Variants in AFF4 observed in about 807,000 individuals in gnomAD.
AFF4 encodes the protein AF4/FMR2 family member 4.
AFF4 carries 13 observed loss-of-function variants against 124.8 expected under a neutral mutation model. The observed-to-expected ratio is 0.10, with a 90% CI of 0.07 to 0.17. The LOEUF is 0.17. Among genes scored for constraint, AFF4 ranks in the 10% least tolerant of loss-of-function variants. AFF4 has a pLI of 1.00. For synonymous variants in AFF4, 477 were observed against 496.1 expected (o/e 0.96, Z 0.51); for missense variants, 1,092 against 1,403.8 (o/e 0.78, Z 3.55).
intron 1 of AFF4, among the ~76,000 whole-genome samples, chr5:132,956,574 G>A (rs988833546): frequency 2.0e-5 from 3 of 150,640 alleles, no homozygotes; most frequent in Non-Finnish European, 2.9e-5. Flanking sequence ...AGAGGCTGCA[G>A]TGAGCCGAGA....
intron 18 of AFF4, among the ~76,000 whole-genome samples, chr5:132,886,090 A>G (rs1006034764): frequency 1.3e-5 from 2 of 152,226 alleles, no homozygotes; most frequent in Non-Finnish European, 1.5e-5. Flanking sequence ...AAGATCATTT[A>G]AAAAGTAAAT....
At chr5:132,906,074 C>T (rs1435041918) in intron 5 of AFF4, among the ~76,000 whole-genome samples, 1 of 152,122 alleles carries the variant, frequency 6.6e-6, no homozygotes, top group East Asian at 1.9e-4. Flanking sequence ...AATGAGATAC[C>T]ACTTCTCAAC....
At chr5:132,885,470 T>C (rs1016625574) in intron 18 of AFF4, among the ~76,000 whole-genome samples, 1 of 5,054 alleles carries the variant, frequency 2.0e-4, no homozygotes, top group African/African-American at 7.2e-4. Flanking sequence ...AAAAAAGGGG[T>C]GGGTGGGTGG....
At chr5:132,885,398 T>C (rs2150064970) in intron 18 of AFF4, among the ~76,000 whole-genome samples, 1 of 142,004 alleles carries the variant, frequency 7.0e-6, no homozygotes, top group African/African-American at 2.6e-5. Flanking sequence ...TCCCAGCTAC[T>C]CCCAGCTACC....
At chr5:132,902,602 C>G (rs1478113483) in intron 6 of AFF4, 115 bp from the exon 7 acceptor site, 1 of 826,104 alleles carries the variant, frequency 1.2e-6, no homozygotes, top group African/African-American at 1.7e-5. Flanking sequence ...AATTCTTCAA[C>G]CACCAAACTG....
intron 11 of AFF4, among the ~76,000 whole-genome samples, chr5:132,895,942 C>G (rs1760379659): frequency 6.6e-6 from 1 of 152,164 alleles, no homozygotes; most frequent in South Asian, 2.1e-4. Context: ...GGGTGTACAT[C>G]AGAAGAGAAT....
intron 5 of AFF4, among the ~76,000 whole-genome samples, chr5:132,905,312 C>T (rs1274304538): frequency 1.3e-5 from 2 of 152,170 alleles, no homozygotes; most frequent in Admixed American, 6.5e-5. Context: ...ACCAGAACAG[C>T]TGTTCCATAT....
chr5:132,907,479 A>G (rs918304717), intron 5 of AFF4, among the ~76,000 whole-genome samples: 9 of 152,230 alleles, frequency 5.9e-5, no homozygotes, highest in African/African-American at 2.2e-4. Flanking sequence ...TTGAATGTCA[A>G]TAATTACTAC....
At chr5:132,939,180 G>A (rs1317460622) in intron 1 of AFF4, among the ~76,000 whole-genome samples, 1 of 143,234 alleles carries the variant, frequency 7.0e-6, no homozygotes, top group African/African-American at 2.6e-5. Context: ...TTGTGCCACT[G>A]ATCTCCAGCC....
chr5:132,887,641 G>C, intron 16 of AFF4, 49 bp from the exon 17 acceptor site: 1 of 1,558,920 alleles, frequency 6.4e-7, no homozygotes, highest in Non-Finnish European at 8.8e-7. Context: ...ACTTCACCTT[G>C]ATCTTATGAT....
chr5:132,921,462 CTTTTTTTTTTCTTT>C (rs1761044825), intron 5 of AFF4, among the ~76,000 whole-genome samples: 1 of 129,536 alleles, frequency 7.7e-6, no homozygotes, highest in East Asian at 2.4e-4. Context: ...CAGTTGTTTT[CTTTTTTTTTTCTTT>C]TTTTTTTTTT....
At chr5:132,935,465 A>C (rs1394630183) in intron 2 of AFF4, among the ~76,000 whole-genome samples, 1 of 152,148 alleles carries the variant, frequency 6.6e-6, no homozygotes, top group Non-Finnish European at 1.5e-5. Context: ...ATTTCTAGCA[A>C]AAATACAAAC....
At chr5:132,950,058 A>G (rs1433621105) in intron 1 of AFF4, among the ~76,000 whole-genome samples, 2 of 152,008 alleles carry the variant, frequency 1.3e-5, no homozygotes, top group African/African-American at 2.4e-5. Flanking sequence ...GCGGCCAGGC[A>G]TGGTGGCTCA....
chr5:132,961,399 T>C (rs1345478129), intron 1 of AFF4, among the ~76,000 whole-genome samples: 3 of 152,122 alleles, frequency 2.0e-5, no homozygotes, highest in Admixed American at 6.6e-5. Context: ...GTATTTTTAG[T>C]AGAGACGGGG....
chr5:132,885,860 G>A (rs1157378636), intron 18 of AFF4, among the ~76,000 whole-genome samples: 4 of 152,114 alleles, frequency 2.6e-5, no homozygotes, highest in African/African-American at 4.8e-5. Flanking sequence ...TGCAGCCTCC[G>A]CCTCCAGGGT....
At chr5:132,914,373 C>A (rs778169973) in intron 5 of AFF4, among the ~76,000 whole-genome samples, 2 of 151,782 alleles carry the variant, frequency 1.3e-5, no homozygotes, top group African/African-American at 2.4e-5. Context: ...GAGGCTGAGG[C>A]GGGCAGATCA....
At chr5:132,922,287 C>CA (rs1339821597) in intron 5 of AFF4, among the ~76,000 whole-genome samples, 1 of 152,154 alleles carries the variant, frequency 6.6e-6, no homozygotes, top group Non-Finnish European at 1.5e-5. Flanking sequence ...GACATAGTGG[C>CA]ATGCACCTGT....
chr5:132,893,125 GA>G lies in AFF4; in HGVS notation c.2308-8del, dbSNP rs1271155489. On this transcript the variant is annotated splice_polypyrimidine_tract_variant and splice_region_variant and intron_variant, in intron 11 of 20. Transcript: ENST00000265343. ...CTCGGTTATCATCTTCATTCTAGAT[GA>G]AAAATAGAAACCGTGGTCTGATTTT... 1 of 1,612,582 alleles carries G rather than the reference GA, an allele frequency of 6.2e-7. No individual in the cohort carries two copies. Among genetic ancestry groups the G allele is most frequent in the Admixed American group, 1.7e-5 (1 of 59,970 alleles).
chr5:132,886,145 G>A (rs533758668), intron 18 of AFF4, among the ~76,000 whole-genome samples, 165 bp downstream of exon 18: 41 of 152,268 alleles, frequency 2.7e-4, no homozygotes, highest in Admixed American at 5.9e-4. Flanking sequence ...TCAGATACAC[G>A]TAGATTAAAA....
Sources: gnomAD v4.1 joint callset for allele counts (sites outside exome capture counted in the v4.1 genomes callset) on GRCh38, gnomAD v4.1.1 for gene constraint, MANE v1.5 for transcripts, NCBI Gene and HGNC (gene_info 2026-07-23, HGNC 2026-07-21) for gene names.